The following SECTM1 variants were observed in gnomAD, a reference collection of about 807,000 sequenced individuals.
SECTM1 encodes the protein secreted and transmembrane protein 1.
Under a neutral mutation model 18.1 loss-of-function variants are expected in SECTM1, and 10 were observed. The observed-to-expected ratio is 0.55, with a 90% CI of 0.34 to 0.94. The LOEUF is 0.94. SECTM1 is among the 40% of genes least tolerant of loss of function. The pLI is 0.02. For missense variants in SECTM1, 297 were observed against 322.6 expected (o/e 0.92, Z 0.61); for synonymous variants, 137 against 139.2 (o/e 0.98, Z 0.11).
In SECTM1 at chr17:82,321,922, A is replaced by G; in HGVS notation, c.*239T>C. On this transcript the variant is annotated 3_prime_UTR_variant, in exon 5 of 5. Transcript: ENST00000269389. Reference sequence around the variant, plus strand: ...CAGAGGGAGGGGCATGCGTCCTGGTAAGTCGGGTGCTGCGGAGGTGAGGTG... The same window carrying G: ...CAGAGGGAGGGGCATGCGTCCTGGTGAGTCGGGTGCTGCGGAGGTGAGGTG... 1 of 535,404 alleles carries G rather than the reference A, an allele frequency of 1.9e-6. No individual in the cohort carries two copies. The highest frequency in any genetic ancestry group is 3.3e-6 in the Non-Finnish European group (1 of 299,226). The allele number at this position is 535,404 out of a possible 1,614,324, so 33.2% of individuals were successfully genotyped here. A position where few individuals can be genotyped will look rare whatever the true frequency, so the allele number is the denominator to read the frequency against.
chr17:82,324,322 C>T (rs1042651331), intron 3 of SECTM1, among the ~76,000 whole-genome samples: 2 of 152,082 alleles, frequency 1.3e-5, no homozygotes, highest in East Asian at 3.9e-4. Context: ...TCTGTGGGTC[C>T]CACCCCACTG....
chr17:82,321,970 A>C lies in SECTM1; in HGVS notation c.*191T>G. 1 of 581,484 alleles carries C rather than the reference A, an allele frequency of 1.7e-6. No homozygotes were observed. The highest frequency in any genetic ancestry group is 3.0e-6 in the Non-Finnish European group (1 of 328,832). 36.0% of individuals were successfully genotyped at this position (581,484 alleles called of 1,614,324 possible). On this transcript the variant is annotated 3_prime_UTR_variant, in exon 5 of 5. Transcript: ENST00000269389. Reference sequence around the variant, plus strand: ...GTGGTTCCATTTTGGAAACTGAGGAAGCAGAGCTTGGAAGACCTGGGGGGT... The same window carrying C: ...GTGGTTCCATTTTGGAAACTGAGGACGCAGAGCTTGGAAGACCTGGGGGGT...
At position 82,324,619 on chromosome 17, in the gene SECTM1, G is replaced by T; in HGVS notation, c.366C>A (p.His122Gln). ...GCGTGACTTGTCTGTTATTTCTCTG[G>T]TGTCCCACGAGGTGCCACATGTACA... ...AGLYMWHLVG[H>Q]QRNNRQVTLE... is the part of the protein sequence containing the mutation. The change falls in exon 3 of 5, where the codon CAC becomes CAA. Residue 122 changes from histidine to glutamine, a missense_variant. By Grantham distance (24) the His-to-Gln change is conservative. Coordinates refer to ENST00000269389, the MANE Select transcript of SECTM1 (RefSeq NM_003004.3). 3 of 1,611,140 alleles carry T rather than the reference G, an allele frequency of 1.9e-6. No homozygotes were observed. The Middle Eastern group carries it at 5.2e-4, about 279-fold the overall frequency.
In SECTM1 at chr17:82,328,533, C is replaced by T. The variant is rs1239500618; in HGVS notation, c.-52-1241G>A. The T allele has an allele frequency of 6.6e-6, 1 of 152,354 alleles. No homozygotes were observed. Among genetic ancestry groups the T allele is most frequent in the African/African-American group, 2.4e-5 (1 of 41,464 alleles). The allele number at this position is 152,354 out of a possible 1,614,324, so 9.4% of individuals were successfully genotyped here. On this transcript the variant is annotated intron_variant, in intron 1 of 4. Transcript: ENST00000269389. This position sits in a 1 kb window ranked among gnomAD's most constrained non-coding sequence, Gnocchi z 5.8. ...GAGACTACCCTAACCTAACCCCAACCCTAACTCAGTCAGTCCCGCCGGTGG... is the reference window on the plus strand; with the variant it reads ...GAGACTACCCTAACCTAACCCCAACTCTAACTCAGTCAGTCCCGCCGGTGG...
chr17:82,324,144 G>A (rs1438238249), intron 3 of SECTM1, among the ~76,000 whole-genome samples: 1 of 152,048 alleles, frequency 6.6e-6, no homozygotes, highest in African/African-American at 2.4e-5. Context: ...TCAGAGCACA[G>A]GTATTTGGGG....
chr17:82,327,879 G>A (rs2052159776), intron 1 of SECTM1, among the ~76,000 whole-genome samples: 1 of 151,502 alleles, frequency 6.6e-6, no homozygotes, highest in African/African-American at 2.4e-5. Context: ...CCCAGGGTCC[G>A]ACTCCCCCAG....
Position 82,330,682 on chromosome 17 carries a change from G to A in SECTM1, c.-53+3018C>T, listed in dbSNP as rs1000773316. ...CATTCCATGGGGCCAGCAGCTCGGT[G>A]GAGCCTCTGCTCTCGGGGGCTACAG... On this transcript the variant is annotated intron_variant, in intron 1 of 4. Coordinates refer to ENST00000269389, the MANE Select transcript of SECTM1 (RefSeq NM_003004.3). This position sits in a 1 kb window ranked among gnomAD's most constrained non-coding sequence, Gnocchi z 6.1. Among the ~76,000 whole-genome samples the A allele has an allele frequency of 3.3e-5, 5 of 152,064 alleles. No homozygotes were observed. Among genetic ancestry groups the A allele is most frequent in the African/African-American group, 1.2e-4 (5 of 41,408 alleles).
Position 82,321,501 on chromosome 17 carries a change from G to T in SECTM1, c.*660C>A. Reference sequence around the variant, plus strand: ...GCAGGTGCGGTGGGCACGAGGGAGCGACCCCCGGGTGGCCGAGGGACTGAG... The same window carrying T: ...GCAGGTGCGGTGGGCACGAGGGAGCTACCCCCGGGTGGCCGAGGGACTGAG... On this transcript the variant is annotated 3_prime_UTR_variant, in exon 5 of 5. Coordinates refer to ENST00000269389, the MANE Select transcript of SECTM1 (RefSeq NM_003004.3). 1 of 152,674 alleles carries T rather than the reference G, an allele frequency of 6.5e-6. No individual in the cohort carries two copies. The highest frequency in any genetic ancestry group is 2.0e-4 in the South Asian group (1 of 5,050). The allele number at this position is 152,674 out of a possible 1,614,324, so 9.5% of individuals were successfully genotyped here.
chr17:82,322,198 G>C lies in SECTM1; in HGVS notation c.710C>G (p.Ser237Cys). 1.2e-6 allele frequency: 2 copies of C among 1,613,628 alleles called. No individual in the cohort carries two copies. Among genetic ancestry groups the C allele is most frequent in the East Asian group, 2.2e-5 (1 of 44,876 alleles). ...PSPLGALELLSPQPLFPYAAD... is the reference protein window; with the variant it reads ...PSPLGALELLCPQPLFPYAAD... ...GGCATATGGAAACAAGGGTTGGGGG[G>C]ACAGCAGCTCCAGGGCTCCAAGTGG... Residue 237 changes from serine to cysteine, a missense_variant, in exon 5 of 5, where the codon TCC becomes TGC. Physicochemically the swap from Ser to Cys is moderately radical, Grantham distance 112 (BLOSUM62 -1). Transcript: ENST00000269389.
rs931581990 is a variant in SECTM1 at position 82,330,592 on chromosome 17, T to G, written c.-53+3108A>C. Among the ~76,000 whole-genome samples, 1 of 151,970 alleles carries G rather than the reference T, an allele frequency of 6.6e-6. No homozygotes were observed. The highest frequency in any genetic ancestry group is 2.4e-5 in the African/African-American group (1 of 41,350). On this transcript the variant is annotated intron_variant, in intron 1 of 4. Transcript: ENST00000269389. This position sits in a 1 kb window ranked among gnomAD's most constrained non-coding sequence, Gnocchi z 6.1. ...CGCACCTGGCTTCATGCCAAGCTCCTCCCGCCTGGCAGTGGCTGCATCTGC... is the reference window on the plus strand; with the variant it reads ...CGCACCTGGCTTCATGCCAAGCTCCGCCCGCCTGGCAGTGGCTGCATCTGC...
intron 3 of SECTM1, among the ~76,000 whole-genome samples, chr17:82,324,030 G>T (rs1369152946): frequency 2.0e-5 from 3 of 151,992 alleles, no homozygotes. Flanking sequence ...CCCTGTTCGT[G>T]GTCACTAAGG....
intron 3 of SECTM1, 54 bp downstream of exon 3, chr17:82,324,528 T>G: frequency 4.2e-5 from 4 of 94,400 alleles, no homozygotes; most frequent in Non-Finnish European, 5.8e-5. Flanking sequence ...CCCCCTCCCC[T>G]CCCCGTGTCC....
rs969041179 is a variant in SECTM1, at chr17:82,324,433, C to A, written c.403+149G>T. ...GGCCTCCACCCCAACTCTCTACCCG[C>A]CAACCCTGTCTCCTGGCAGCCCGGC... On this transcript the variant is annotated intron_variant, in intron 3 of 4. Transcript: ENST00000269389. 2.5e-5 allele frequency: 21 copies of A among 848,442 alleles called. 1 individual carries two copies. In the South Asian group the frequency reaches 3.7e-4, roughly 15 times the overall value. 52.6% of individuals were successfully genotyped at this position (848,442 alleles called of 1,614,324 possible).
intron 1 of SECTM1, among the ~76,000 whole-genome samples, chr17:82,332,258 G>A (rs955049038): frequency 1.3e-5 from 2 of 152,226 alleles, no homozygotes; most frequent in Non-Finnish European, 2.9e-5. Context: ...CACCAGACAC[G>A]GCAGGGTCTG....
intron 4 of SECTM1, 127 bp downstream of exon 4, chr17:82,322,751 G>A (rs2052106130): frequency 5.0e-6 from 6 of 1,207,122 alleles, no homozygotes; most frequent in East Asian, 5.1e-5. Flanking sequence ...TGGCTCTCTG[G>A]GACCGGTGCT....
chr17:82,327,680 C>A (rs530222623), intron 1 of SECTM1, among the ~76,000 whole-genome samples: 2 of 152,292 alleles, frequency 1.3e-5, no homozygotes, highest in Non-Finnish European at 2.9e-5. Context: ...CTAAGACCAG[C>A]CTCCAGCCCC....
Position 82,329,020 on chromosome 17 carries a change from A to G in SECTM1, c.-52-1728T>C, listed in dbSNP as rs563710747. Among the ~76,000 whole-genome samples the G allele has an allele frequency of 6.6e-5, 10 of 152,144 alleles. No individual in the cohort carries two copies. The highest frequency in any genetic ancestry group is 1.2e-4 in the Non-Finnish European group (8 of 67,996). On this transcript the variant is annotated intron_variant, in intron 1 of 4. Coordinates refer to ENST00000269389, the MANE Select transcript of SECTM1 (RefSeq NM_003004.3). The surrounding 1 kb of genome is among the most constrained non-coding windows in gnomAD (Gnocchi z 7.6). The stretch of plus-strand genomic sequence containing the variant: ...AGATTTATAGATGTGTGTTTCTCCA[A>G]ACAAATAAACCACCAGAAAGTGTCA...
rs2052182650 is a variant in SECTM1, at chr17:82,330,465, GCCAC to G, written c.-52-3177_-52-3174del. Among the ~76,000 whole-genome samples the G allele has an allele frequency of 3.9e-5, 6 of 152,234 alleles. No homozygotes were observed. In the South Asian group the frequency reaches 1.2e-3, roughly 32 times the overall value. On this transcript the variant is annotated intron_variant, in intron 1 of 4. Coordinates refer to ENST00000269389, the MANE Select transcript of SECTM1 (RefSeq NM_003004.3). This position sits in a 1 kb window ranked among gnomAD's most constrained non-coding sequence, Gnocchi z 6.1. ...ACCTGCCCACCCAGGTGCTGGCTCT[GCCAC>G]CCGTCTGTGTCCTGAGTCAGCCCTG...
rs146652780 is a variant in SECTM1 at position 82,324,868 on chromosome 17, T to A, written c.117A>T (p.Thr39=). ...QNEGWDSPIC[T]EGVVSVSWGE... Reference sequence around the variant, plus strand: ...CCCAAGACACAGAGACTACCCCCTCTGTGCAGATGGGGCTGTCCCAGCCTG... The same window carrying A: ...CCCAAGACACAGAGACTACCCCCTCAGTGCAGATGGGGCTGTCCCAGCCTG... Residue 39 remains threonine (T), a synonymous_variant, in exon 3 of 5, where the codon ACA becomes ACT. Transcript: ENST00000269389. 1.9e-5 allele frequency: 30 copies of A among 1,612,552 alleles called. No homozygotes were observed. Among genetic ancestry groups the A allele is most frequent in the Non-Finnish European group, 2.3e-5 (27 of 1,179,226 alleles).
Sources: gnomAD v4.1 joint callset for allele counts (sites outside exome capture counted in the v4.1 genomes callset) on GRCh38, gnomAD v4.1.1 for gene constraint, Gnocchi (gnomAD v3.1) non-coding constraint, MANE v1.5 for transcripts, NCBI Gene and HGNC (gene_info 2026-07-23, HGNC 2026-07-21) for gene names.